The following ATOSA variants were observed in gnomAD, a reference collection of about 807,000 sequenced individuals.
The protein encoded by ATOSA is atos homolog A.
chr15:52,648,151 A>C, the ATOSA span, among the ~76,000 whole-genome samples: 2 of 152,172 alleles, frequency 1.3e-5, no homozygotes, highest in East Asian at 3.8e-4. Flanking sequence ...TATAATAGCT[A>C]ATTAATAAGT....
the ATOSA span, among the ~76,000 whole-genome samples, chr15:52,660,204 C>G: frequency 2.0e-5 from 3 of 152,126 alleles, no homozygotes; most frequent in African/African-American, 7.2e-5. Flanking sequence ...AATACTAATT[C>G]TGTGCCAACC....
the ATOSA span, chr15:52,611,433 TCATTTTAG>T: frequency 2.6e-6 from 3 of 1,151,184 alleles, no homozygotes; most frequent in Non-Finnish European, 3.6e-6. Context: ...CTATATTTAC[TCATTTTAG>T]TGCCAAATAT....
chr15:52,663,549 T>C, the ATOSA span, among the ~76,000 whole-genome samples: 2 of 152,236 alleles, frequency 1.3e-5, no homozygotes, highest in African/African-American at 4.8e-5. Flanking sequence ...TCAGATTACC[T>C]AATTGTTGCA....
chr15:52,645,557 A>G, the ATOSA span, among the ~76,000 whole-genome samples: 1 of 152,244 alleles, frequency 6.6e-6, no homozygotes, highest in Admixed American at 6.5e-5. Context: ...GAAAGCTCCC[A>G]GTGGGTATGA....
the ATOSA span, among the ~76,000 whole-genome samples, chr15:52,620,230 A>G: frequency 3.9e-5 from 6 of 152,228 alleles, no homozygotes; most frequent in African/African-American, 1.4e-4. Context: ...TGTTCAAGCA[A>G]AGTTTGATAA....
At chr15:52,609,678 T>G in the ATOSA span, 1 of 1,613,736 alleles carries the variant, frequency 6.2e-7, no homozygotes, top group Non-Finnish European at 8.5e-7. Flanking sequence ...CATTTTCTTG[T>G]GAAACCCGGA....
At chr15:52,634,333 A>T in the ATOSA span, among the ~76,000 whole-genome samples, 2 of 152,128 alleles carry the variant, frequency 1.3e-5, no homozygotes, top group Non-Finnish European at 2.9e-5. Flanking sequence ...TGGGAGGCTG[A>T]GACAGAAGAC....
At chr15:52,663,253 C>T in the ATOSA span, among the ~76,000 whole-genome samples, 1 of 152,212 alleles carries the variant, frequency 6.6e-6, no homozygotes, top group South Asian at 2.1e-4. Context: ...GAAGGATCAA[C>T]TCAGCTGCTG....
At chr15:52,600,072 C>T in the ATOSA span, 2 of 865,386 alleles carry the variant, frequency 2.3e-6, no homozygotes, top group Non-Finnish European at 1.9e-6. Flanking sequence ...AAAATGACAC[C>T]CTAGAACCTA....
chr15:52,671,110 G>C, the ATOSA span, among the ~76,000 whole-genome samples: 1 of 152,106 alleles, frequency 6.6e-6, no homozygotes, highest in Non-Finnish European at 1.5e-5. Context: ...AAATGTCTGT[G>C]TATGAATCAT....
the ATOSA span, among the ~76,000 whole-genome samples, chr15:52,642,654 C>T: frequency 2.3e-4 from 35 of 152,254 alleles, no homozygotes; most frequent in East Asian, 3.9e-4. Context: ...GAATCACTTA[C>T]GCCTCCTCTC....
the ATOSA span, among the ~76,000 whole-genome samples, chr15:52,706,387 G>T: frequency 1.3e-5 from 2 of 152,194 alleles, no homozygotes; most frequent in African/African-American, 4.8e-5. Flanking sequence ...CTGGTTAGTA[G>T]ATGAGCTTTC....
At chr15:52,670,415 G>C in the ATOSA span, among the ~76,000 whole-genome samples, 1 of 152,174 alleles carries the variant, frequency 6.6e-6, no homozygotes, top group Non-Finnish European at 1.5e-5. Flanking sequence ...TGTTCAGAAA[G>C]GCTATGTAAT....
chr15:52,618,799 C>A, the ATOSA span, among the ~76,000 whole-genome samples: 2 of 152,176 alleles, frequency 1.3e-5, no homozygotes, highest in Non-Finnish European at 2.9e-5. Flanking sequence ...GTTCTCCCAC[C>A]TTGGCCTCCC....
the ATOSA span, among the ~76,000 whole-genome samples, chr15:52,708,754 A>G: frequency 6.6e-6 from 1 of 152,164 alleles, no homozygotes; most frequent in Non-Finnish European, 1.5e-5. Context: ...TAAGTCACTC[A>G]TAATATTATC....
the ATOSA span, among the ~76,000 whole-genome samples, chr15:52,604,812 C>T: frequency 2.0e-5 from 3 of 152,034 alleles, no homozygotes; most frequent in Non-Finnish European, 4.4e-5. Context: ...TTTTAACTTG[C>T]AGATGACCCA....
At chr15:52,658,615 A>G in the ATOSA span, 1 of 396,664 alleles carries the variant, frequency 2.5e-6, no homozygotes, top group East Asian at 3.6e-5. Context: ...AAACCATCAA[A>G]CATGCATGCT....
the ATOSA span, among the ~76,000 whole-genome samples, chr15:52,628,278 T>C: frequency 6.6e-6 from 1 of 152,192 alleles, no homozygotes; most frequent in South Asian, 2.1e-4. Context: ...TATAAAGCCC[T>C]TTGAGCTTCT....
chr15:52,706,939 G>A, the ATOSA span, among the ~76,000 whole-genome samples: 690 of 152,224 alleles, frequency 4.5e-3, 5 homozygotes, highest in African/African-American at 0.016. Context: ...TTCTTTCTGG[G>A]GTGCTGAAAT....
Sources: allele counts gnomAD v4.1 joint callset (sites outside exome capture counted in the v4.1 genomes callset), GRCh38; gene constraint gnomAD v4.1.1; transcripts MANE v1.5; gene names NCBI Gene and HGNC (gene_info 2026-07-23, HGNC 2026-07-21).